Variants in AQP9 observed in about 807,000 individuals in gnomAD.
The protein encoded by AQP9 is aquaporin 9.
Under a neutral mutation model 23.8 loss-of-function variants are expected in AQP9, and 19 were observed. The observed-to-expected ratio is 0.80, with a 90% confidence interval of 0.56 to 1.17. The LOEUF (loss-of-function observed/expected upper bound fraction) is 1.17. Among genes scored for constraint, AQP9 ranks in the 50% most tolerant of loss-of-function variants. AQP9 has a pLI of 0.00. For missense variants in AQP9, 413 were observed against 362.0 expected (o/e 1.14, Z -1.14); for synonymous variants, 153 against 131.5 (o/e 1.16, Z -1.12).
intron 1 of AQP9, among the ~76,000 whole-genome samples, chr15:58,141,902 G>C (rs1897958442): frequency 6.6e-6 from 1 of 152,204 alleles, no homozygotes; most frequent in Non-Finnish European, 1.5e-5. Context: ...AAATCAGAAA[G>C]TTTATAAGCC....
chr15:58,140,197 CT>C (rs67540225), intron 1 of AQP9, among the ~76,000 whole-genome samples: 18,541 of 131,534 alleles, frequency 0.14, 2,805 homozygotes, highest in African/African-American at 0.41. Flanking sequence ...AACTACACAT[CT>C]TTTTTTTTTT....
intron 2 of AQP9, among the ~76,000 whole-genome samples, chr15:58,170,828 A>C (rs551165134): frequency 6.6e-6 from 1 of 152,320 alleles, no homozygotes; most frequent in Non-Finnish European, 1.5e-5. Flanking sequence ...ACTTATGGGA[A>C]ATTTTATTTT....
chr15:58,184,583 A>G lies in AQP9; in HGVS notation c.*448A>G, dbSNP rs534701689. 160 of 155,336 alleles carry G rather than the reference A, an allele frequency of 1.0e-3. No individual in the cohort carries two copies. The highest frequency in any genetic ancestry group is 1.9e-3 in the Non-Finnish European group (130 of 69,948). 9.6% of individuals were successfully genotyped at this position (155,336 alleles called of 1,614,324 possible). On this transcript the variant is annotated 3_prime_UTR_variant, in exon 6 of 6. Transcript: ENST00000219919. ...AATTGAAAGACAAAACTATGGTTTC[A>G]GTCAACATATTCATGAATTAGGGAG...
rs1293348734 is a variant in AQP9 at position 58,174,908 on chromosome 15, T to C, written c.377-10T>C. 36 of 1,611,170 alleles carry C rather than the reference T, an allele frequency of 2.2e-5. No homozygotes were observed. The highest frequency in any genetic ancestry group is 3.0e-5 in the Non-Finnish European group (35 of 1,177,252). ...GGAACACTAATGTGCCAGAGCTTTCTCTTTCATAGATGGACTTATGTCCTT... is the reference window on the plus strand; with the variant it reads ...GGAACACTAATGTGCCAGAGCTTTCCCTTTCATAGATGGACTTATGTCCTT... On this transcript the variant is annotated splice_polypyrimidine_tract_variant and intron_variant, in intron 3 of 5. Coordinates refer to ENST00000219919, the MANE Select transcript of AQP9 (RefSeq NM_020980.5).
rs1310654201 is a variant in AQP9, at chr15:58,138,498, G to A, written c.-68G>A. The A allele has an allele frequency of 5.0e-5, 63 of 1,262,506 alleles. No individual in the cohort carries two copies. Among genetic ancestry groups the A allele is most frequent in the Non-Finnish European group, 7.0e-5 (62 of 882,224 alleles). 78.2% of individuals were successfully genotyped at this position (1,262,506 alleles called of 1,614,324 possible). ...ATTGTCAAAACGTCCATTTTCATCT[G>A]GCTGTGAAAGTGAGGACCACAACAG... On this transcript the variant is annotated 5_prime_UTR_variant, in exon 1 of 6. Transcript: ENST00000219919.
At chr15:58,139,700 G>C (rs1354965629) in intron 1 of AQP9, among the ~76,000 whole-genome samples, 3 of 152,198 alleles carry the variant, frequency 2.0e-5, no homozygotes, top group Admixed American at 6.5e-5. Flanking sequence ...AGCCAAGAAT[G>C]AGAAACAAAT....
intron 1 of AQP9, among the ~76,000 whole-genome samples, chr15:58,147,260 C>T (rs61999935): frequency 2.6e-5 from 4 of 151,778 alleles, no homozygotes; most frequent in African/African-American, 7.3e-5. Flanking sequence ...TCTTTAGTGA[C>T]GAATCCCATT....
chr15:58,156,009 T>C (rs1339495661), intron 1 of AQP9: 1 of 152,168 alleles, frequency 6.6e-6, no homozygotes, highest in Admixed American at 6.6e-5. Flanking sequence ...ACTTCTCAAC[T>C]ATCTTCACCT....
intron 2 of AQP9, among the ~76,000 whole-genome samples, chr15:58,171,508 C>G (rs1898621080): frequency 6.6e-6 from 1 of 152,182 alleles, no homozygotes. Flanking sequence ...CCCTCCTAAC[C>G]CCTGTTTCTA....
intron 2 of AQP9, among the ~76,000 whole-genome samples, chr15:58,172,594 A>T (rs1595742435): frequency 1.3e-5 from 2 of 152,320 alleles, no homozygotes; most frequent in Non-Finnish European, 2.9e-5. Flanking sequence ...ATTTTCCTTT[A>T]AAGATACATC....
At chr15:58,156,961 G>T (rs1340331449) in intron 1 of AQP9, among the ~76,000 whole-genome samples, 2 of 152,132 alleles carry the variant, frequency 1.3e-5, no homozygotes, top group South Asian at 4.1e-4. Flanking sequence ...ATGGAAACAG[G>T]AGCACTTTCC....
intron 2 of AQP9, 100 bp from the exon 3 acceptor site, chr15:58,172,968 C>T (rs1165003387): frequency 6.8e-7 from 1 of 1,462,988 alleles, no homozygotes; most frequent in Non-Finnish European, 9.4e-7. Flanking sequence ...GGCAGTAGTT[C>T]TCTGCCTAGA....
intron 1 of AQP9, among the ~76,000 whole-genome samples, chr15:58,166,018 T>C (rs1349472155): frequency 6.6e-6 from 1 of 152,216 alleles, no homozygotes; most frequent in African/African-American, 2.4e-5. Context: ...ACATCAGACA[T>C]TTTTTCTAAT....
rs752588636 is a variant in AQP9, at chr15:58,161,326, C to T, written c.112-5347C>T. Among the ~76,000 whole-genome samples the T allele has an allele frequency of 2.6e-5, 4 of 152,248 alleles. No homozygotes were observed. The Middle Eastern group carries it at 0.014, about 518-fold the overall frequency. ...AATTAAAGTTTTGTAGGAATTCTGC[C>T]TTTCAAATGTCTTTCTTCCTTTTCC... is the stretch of plus-strand genomic sequence containing the variant. On this transcript the variant is annotated intron_variant, in intron 1 of 5. Coordinates refer to ENST00000219919, the MANE Select transcript of AQP9 (RefSeq NM_020980.5).
chr15:58,160,569 A>C (rs1898355597), intron 1 of AQP9, among the ~76,000 whole-genome samples: 1 of 152,094 alleles, frequency 6.6e-6, no homozygotes, highest in Admixed American at 6.6e-5. Flanking sequence ...GAATTAGGGT[A>C]ATCACTCTGT....
intron 1 of AQP9, among the ~76,000 whole-genome samples, chr15:58,139,524 C>T (rs750495156): frequency 2.2e-4 from 34 of 152,298 alleles, no homozygotes; most frequent in Non-Finnish European, 3.7e-4. Flanking sequence ...CTATTGATTT[C>T]AACTGGTTTT....
intron 4 of AQP9, among the ~76,000 whole-genome samples, chr15:58,178,178 G>A (rs1458840264): frequency 2.0e-5 from 3 of 152,064 alleles, no homozygotes; most frequent in African/African-American, 7.2e-5. Context: ...GTACTTGCAG[G>A]AAGTCCTGGA....
intron 1 of AQP9, among the ~76,000 whole-genome samples, chr15:58,165,810 C>T (rs1566986926): frequency 6.6e-6 from 1 of 152,164 alleles, no homozygotes; most frequent in Non-Finnish European, 1.5e-5. Flanking sequence ...CACTATCATA[C>T]TTCACTGTGC....
chr15:58,138,747 G>C (rs1242077811), intron 1 of AQP9, 71 bp downstream of exon 1: 2 of 1,323,434 alleles, frequency 1.5e-6, no homozygotes, highest in Non-Finnish European at 2.2e-6. Flanking sequence ...GTAGTGGAGA[G>C]TTTTGTTTGG....
Sources: allele counts gnomAD v4.1 joint callset (sites outside exome capture counted in the v4.1 genomes callset), GRCh38; gene constraint gnomAD v4.1.1; transcripts MANE v1.5; gene names NCBI Gene and HGNC (gene_info 2026-07-23, HGNC 2026-07-21).